Variants in SESN3 observed in about 807,000 individuals in gnomAD.
The protein encoded by SESN3 is sestrin-3.
Under a neutral mutation model 55.3 loss-of-function variants are expected in SESN3, and 21 were observed. That is an observed-to-expected ratio of 0.38 (90% CI 0.27 to 0.55). The LOEUF is 0.55. SESN3 is among the 20% of genes least tolerant of loss of function. The pLI is 0.76. For synonymous variants in SESN3, 181 were observed against 203.1 expected (o/e 0.89, Z 0.93); for missense variants, 408 against 604.3 (o/e 0.68, Z 3.41).
intron 1 of SESN3, among the ~76,000 whole-genome samples, chr11:95,199,587 T>G (rs990146082): frequency 2.0e-5 from 3 of 152,088 alleles, no homozygotes; most frequent in Non-Finnish European, 4.4e-5. Flanking sequence ...ACTCTTAAAA[T>G]TGTGAGTCTT....
rs1310445784 is a variant in SESN3, at chr11:95,230,622, C to T, written c.78+161G>A. ...AATAAAAAGCCGCAGTAGTCCAAACCCTCCTGCCCTCAACCCACGCCCCCT... is the reference window on the plus strand; with the variant it reads ...AATAAAAAGCCGCAGTAGTCCAAACTCTCCTGCCCTCAACCCACGCCCCCT... On this transcript the variant is annotated intron_variant, in intron 1 of 9. Coordinates refer to ENST00000536441, the MANE Select transcript of SESN3 (RefSeq NM_144665.4). The surrounding 1 kb of genome is among the most constrained non-coding windows in gnomAD (Gnocchi z 4.6). 1.7e-5 allele frequency: 10 copies of T among 576,096 alleles called. No individual in the cohort carries two copies. The highest frequency in any genetic ancestry group is 8.3e-5 in the South Asian group (4 of 48,412). 35.7% of individuals were successfully genotyped at this position (576,096 alleles called of 1,614,324 possible). A position where few individuals can be genotyped will look rare whatever the true frequency, so the allele number is the denominator to read the frequency against.
chr11:95,227,447 G>T (rs188557142), intron 1 of SESN3, among the ~76,000 whole-genome samples: 45 of 152,048 alleles, frequency 3.0e-4, no homozygotes, highest in Admixed American at 1.3e-3. Context: ...CTCGTGATCT[G>T]CCCACCTTGG....
At chr11:95,224,738 A>G (rs1473783666) in intron 1 of SESN3, among the ~76,000 whole-genome samples, 1 of 152,188 alleles carries the variant, frequency 6.6e-6, no homozygotes, top group East Asian at 1.9e-4. Context: ...GAATTTTATC[A>G]CTGGCAGCAA....
Position 95,167,777 on chromosome 11 carries a change from T to A in SESN3, c.*5478A>T, listed in dbSNP as rs1859778078. On this transcript the variant is annotated 3_prime_UTR_variant, in exon 10 of 10. Coordinates refer to ENST00000536441, the MANE Select transcript of SESN3 (RefSeq NM_144665.4). ...TCAGGTCAGACAACTGTGTGCAGTGTCCCATGTTAGAAACCTGACATAATT... is the reference window on the plus strand; with the variant it reads ...TCAGGTCAGACAACTGTGTGCAGTGACCCATGTTAGAAACCTGACATAATT... 1 of 152,194 alleles carries A rather than the reference T, an allele frequency of 6.6e-6. No individual in the cohort carries two copies. Among genetic ancestry groups the A allele is most frequent in the African/African-American group, 2.4e-5 (1 of 41,454 alleles). The allele number at this position is 152,194 out of a possible 1,614,324, so 9.4% of individuals were successfully genotyped here. A position where few individuals can be genotyped will look rare whatever the true frequency, so the allele number is the denominator to read the frequency against.
In SESN3 at chr11:95,168,072, T is replaced by C. The variant is rs908031592; in HGVS notation, c.*5183A>G. On this transcript the variant is annotated 3_prime_UTR_variant, in exon 10 of 10. Coordinates refer to ENST00000536441, the MANE Select transcript of SESN3 (RefSeq NM_144665.4). The stretch of plus-strand genomic sequence containing the variant: ...CCAATTTTGTGTTATTTTATCTATA[T>C]TTTAAATCATATGGGCTTCTGTGAT... The C allele has an allele frequency of 2.0e-4, 30 of 152,186 alleles. No individual in the cohort carries two copies. The highest frequency in any genetic ancestry group is 1.3e-3 in the Admixed American group (20 of 15,268). The allele number at this position is 152,186 out of a possible 1,614,324, so 9.4% of individuals were successfully genotyped here. A position where few individuals can be genotyped will look rare whatever the true frequency, so the allele number is the denominator to read the frequency against.
chr11:95,192,509 T>C (rs1043333657), intron 2 of SESN3, among the ~76,000 whole-genome samples: 4 of 152,094 alleles, frequency 2.6e-5, no homozygotes, highest in African/African-American at 7.2e-5. Flanking sequence ...ATGCACTTTA[T>C]TAATAGCAGA....
intron 1 of SESN3, among the ~76,000 whole-genome samples, chr11:95,208,471 T>C (rs142943159): frequency 1.1e-3 from 170 of 151,610 alleles, no homozygotes; most frequent in Admixed American, 2.0e-3. Flanking sequence ...GTGTGCGAAA[T>C]GTGTTTATAA....
At chr11:95,176,880 T>C (rs1209201881) in intron 8 of SESN3, among the ~76,000 whole-genome samples, 2 of 152,168 alleles carry the variant, frequency 1.3e-5, no homozygotes, top group African/African-American at 2.4e-5. Flanking sequence ...AATGGACAAA[T>C]AGCTCAGTTA....
intron 1 of SESN3, among the ~76,000 whole-genome samples, chr11:95,203,420 C>T (rs966812501): frequency 6.6e-6 from 1 of 152,192 alleles, no homozygotes; most frequent in South Asian, 2.1e-4. Context: ...ACACAGCCCC[C>T]CAGGATCACA....
intron 1 of SESN3, among the ~76,000 whole-genome samples, chr11:95,216,720 T>A (rs1161266242): frequency 6.6e-6 from 1 of 150,546 alleles, no homozygotes; most frequent in African/African-American, 2.4e-5. Context: ...TAAGATAAAA[T>A]CACATAGATA....
At chr11:95,191,654 T>A in intron 2 of SESN3, 53 bp from the exon 3 acceptor site, 1 of 1,379,634 alleles carries the variant, frequency 7.2e-7, no homozygotes, top group Non-Finnish European at 1.0e-6. Flanking sequence ...AAACACACCC[T>A]TGGTTTAAAT....
intron 1 of SESN3, among the ~76,000 whole-genome samples, chr11:95,209,385 A>G (rs1399941532): frequency 1.3e-5 from 2 of 151,388 alleles, no homozygotes; most frequent in East Asian, 1.9e-4. Flanking sequence ...GATCATTAAA[A>G]AGTCAGGAAA....
At chr11:95,228,576 T>C (rs991478983) in intron 1 of SESN3, among the ~76,000 whole-genome samples, 3 of 152,220 alleles carry the variant, frequency 2.0e-5, no homozygotes, top group Admixed American at 6.5e-5. Context: ...TTCATTGTTA[T>C]TTTAAGAATG....
chr11:95,200,832 C>G (rs114329699), intron 1 of SESN3: 1 of 151,956 alleles, frequency 6.6e-6, no homozygotes, highest in Non-Finnish European at 1.5e-5. Flanking sequence ...ATATGAAATT[C>G]GATTTTTAAC....
At chr11:95,175,685 A>G in intron 8 of SESN3, 43 bp from the exon 9 acceptor site, 1 of 1,531,268 alleles carries the variant, frequency 6.5e-7, no homozygotes, top group Admixed American at 1.8e-5. Context: ...CAAAATCAAA[A>G]TATTTAGTTT....
chr11:95,230,567 C>T lies in SESN3; in HGVS notation c.78+216G>A, dbSNP rs2134277856. 1.9e-6 allele frequency: 1 copy of T among 535,344 alleles called. No individual in the cohort carries two copies. The highest frequency in any genetic ancestry group is 2.2e-5 in the South Asian group (1 of 44,876). 33.2% of individuals were successfully genotyped at this position (535,344 alleles called of 1,614,324 possible). ...AACAAGGGAAGAAAAAATATCCCAA[C>T]CCCTCCAGACTTGGGTCTGTCCCGG... On this transcript the variant is annotated intron_variant, in intron 1 of 9. Coordinates refer to ENST00000536441, the MANE Select transcript of SESN3 (RefSeq NM_144665.4). The surrounding 1 kb of genome is among the most constrained non-coding windows in gnomAD (Gnocchi z 4.6).
intron 1 of SESN3, among the ~76,000 whole-genome samples, chr11:95,229,521 A>G (rs1015924154): frequency 2.4e-5 from 2 of 83,324 alleles, no homozygotes; most frequent in African/African-American, 7.6e-5. Flanking sequence ...AATAGGAAGA[A>G]AAAAAAAAGC....
intron 1 of SESN3, among the ~76,000 whole-genome samples, chr11:95,223,171 G>A (rs1333681577): frequency 1.5e-5 from 2 of 134,088 alleles, no homozygotes; most frequent in Non-Finnish European, 3.2e-5. Flanking sequence ...CCCCACCCCC[G>A]CAAACCCACC....
chr11:95,176,323 G>A (rs551744755), intron 8 of SESN3, among the ~76,000 whole-genome samples: 10 of 152,292 alleles, frequency 6.6e-5, no homozygotes, highest in Admixed American at 4.6e-4. Context: ...TGCTTCGCAC[G>A]AAAGCAGAAA....
Sources: gnomAD v4.1 joint callset for allele counts (sites outside exome capture counted in the v4.1 genomes callset) on GRCh38, gnomAD v4.1.1 for gene constraint, Gnocchi (gnomAD v3.1) non-coding constraint, MANE v1.5 for transcripts, NCBI Gene and HGNC (gene_info 2026-07-23, HGNC 2026-07-21) for gene names.